CDC20B: variants seen among roughly 807,000 people sequenced by gnomAD.
CDC20B encodes the protein cell division cycle 20B, also known as cell division cycle protein 20 homolog B.
In CDC20B, 58 loss-of-function variants were observed where a neutral mutation model predicts 64.1. That is an observed-to-expected ratio of 0.90 (90% CI 0.73 to 1.13). The LOEUF (loss-of-function observed/expected upper bound fraction) is 1.13. Among genes scored for constraint, CDC20B ranks in the 50% most tolerant of loss-of-function variants. The pLI, the probability that CDC20B is intolerant of heterozygous loss-of-function variation, is 0.00. For synonymous variants in CDC20B, 243 were observed against 230.6 expected (o/e 1.05, Z -0.49); for missense variants, 597 against 633.0 (o/e 0.94, Z 0.61).
chr5:55,131,840 G>A (rs559257151), intron 6 of CDC20B, among the ~76,000 whole-genome samples: 8 of 152,160 alleles, frequency 5.3e-5, no homozygotes, highest in Non-Finnish European at 4.4e-5. Context: ...CAAGGCAGGC[G>A]GATCACTTGA....
intron 6 of CDC20B, among the ~76,000 whole-genome samples, chr5:55,131,335 A>T (rs1743023780): frequency 6.6e-6 from 1 of 152,220 alleles, no homozygotes; most frequent in African/African-American, 2.4e-5. Flanking sequence ...ACACAATACA[A>T]AGAGATATAG....
intron 2 of CDC20B, among the ~76,000 whole-genome samples, chr5:55,149,603 C>A (rs1244124102): frequency 1.3e-5 from 2 of 152,136 alleles, no homozygotes; most frequent in Non-Finnish European, 2.9e-5. Flanking sequence ...AGAAGCCAGA[C>A]AGGAAAGGTC....
At chr5:55,122,011 T>G (rs1356023961) in intron 9 of CDC20B, among the ~76,000 whole-genome samples, 2 of 152,214 alleles carry the variant, frequency 1.3e-5, no homozygotes, top group African/African-American at 4.8e-5. Context: ...CCACTCCTTC[T>G]GTAAAACATA....
At chr5:55,139,378 A>T (rs1406046374) in intron 5 of CDC20B, among the ~76,000 whole-genome samples, 1 of 152,226 alleles carries the variant, frequency 6.6e-6, no homozygotes, top group African/African-American at 2.4e-5. Context: ...CCAGAAGACA[A>T]CTGTGCAACT....
chr5:55,160,059 G>T (rs1743948613), intron 2 of CDC20B: 1 of 634,878 alleles, frequency 1.6e-6, no homozygotes, highest in Non-Finnish European at 2.8e-6. Context: ...CCTCTGAGAA[G>T]TGGTCTTTCT....
chr5:55,132,231 T>C (rs920172722), intron 6 of CDC20B, among the ~76,000 whole-genome samples: 5 of 152,170 alleles, frequency 3.3e-5, no homozygotes, highest in African/African-American at 1.2e-4. Context: ...GATAGAGAAC[T>C]GTTCCCTTCA....
intron 2 of CDC20B, chr5:55,170,797 A>G (rs892548833): frequency 1.3e-5 from 6 of 474,308 alleles, no homozygotes; most frequent in Middle Eastern, 1.0e-3. Context: ...AACATGAAAC[A>G]TAGTGGCAGA....
In CDC20B at chr5:55,127,342, C is replaced by G. The variant is rs1300495584; in HGVS notation, c.904G>C (p.Val302Leu). 6.2e-7 allele frequency: 1 copy of G among 1,613,680 alleles called. No individual in the cohort carries two copies. Among genetic ancestry groups the G allele is most frequent in the African/African-American group, 1.3e-5 (1 of 75,026 alleles). ...TSEGEVQLWDVVTKKRLRNML... is the reference protein window; with the variant it reads ...TSEGEVQLWDLVTKKRLRNML... Reference sequence around the variant, plus strand: ...TTTCTCAGCCGCTTTTTAGTTACCACATCCCATAACTGAAAAAATGAACAA... The same window carrying G: ...TTTCTCAGCCGCTTTTTAGTTACCAGATCCCATAACTGAAAAAATGAACAA... The change falls in exon 8 of 12, where the codon GTG (valine) becomes CTG (leucine). Residue 302 changes from valine (V) to leucine (L), a missense_variant. Val to Leu is a conservative substitution (Grantham distance 32, BLOSUM62 1). This residue lies in a region of CDC20B where 353 missense variants were observed against 397.0 expected (regional missense o/e 0.89). Coordinates refer to ENST00000381375, the MANE Select transcript of CDC20B (RefSeq NM_001170402.1).
At chr5:55,128,044 GA>G (rs1415752433) in intron 7 of CDC20B, among the ~76,000 whole-genome samples, 2 of 151,008 alleles carry the variant, frequency 1.3e-5, no homozygotes, top group Admixed American at 6.6e-5. Context: ...GAGCCTATCA[GA>G]AAAAAAAATT....
Position 55,113,973 on chromosome 5 carries a change from T to C in CDC20B, c.*245A>G. On this transcript the variant is annotated 3_prime_UTR_variant, in exon 12 of 12. Transcript: ENST00000381375. ...ATGAATCTCTAGAAAGGGGTAAGAA[T>C]GGGAGGAAGAAGAGGAGGGGGAGGA... 5.9e-6 allele frequency: 3 copies of C among 510,010 alleles called. No homozygotes were observed. In the South Asian group the frequency reaches 8.5e-5, roughly 14 times the overall value. 31.6% of individuals were successfully genotyped at this position (510,010 alleles called of 1,614,324 possible).
intron 4 of CDC20B, among the ~76,000 whole-genome samples, chr5:55,140,769 T>C (rs1397500275): frequency 1.3e-5 from 2 of 152,130 alleles, no homozygotes; most frequent in African/African-American, 2.4e-5. Context: ...CATCTTAAGG[T>C]CCTTTTTTGT....
At chr5:55,130,096 T>C (rs1380146485) in intron 6 of CDC20B, among the ~76,000 whole-genome samples, 1 of 152,214 alleles carries the variant, frequency 6.6e-6, no homozygotes, top group Non-Finnish European at 1.5e-5. Flanking sequence ...TATGAAACTT[T>C]ATATGAAGCT....
At chr5:55,138,295 G>T (rs955034927) in intron 5 of CDC20B, among the ~76,000 whole-genome samples, 1 of 152,032 alleles carries the variant, frequency 6.6e-6, no homozygotes, top group Non-Finnish European at 1.5e-5. Context: ...CAAGTAGCTG[G>T]GATTACAGGC....
intron 5 of CDC20B, chr5:55,135,947 A>T (rs916005937): frequency 2.0e-5 from 3 of 151,688 alleles, no homozygotes; most frequent in Admixed American, 1.3e-4. Context: ...TTCCAAAAAA[A>T]ATATTTTTTT....
chr5:55,144,898 C>A (rs1381304046), intron 3 of CDC20B, among the ~76,000 whole-genome samples: 1 of 152,118 alleles, frequency 6.6e-6, no homozygotes, highest in African/African-American at 2.4e-5. Context: ...ATCTGCTCTT[C>A]TAAAACAAAA....
chr5:55,146,797 C>G lies in CDC20B; in HGVS notation c.186G>C (p.Leu62=). The G allele has an allele frequency of 6.2e-7, 1 of 1,614,160 alleles. No individual in the cohort carries two copies. The highest frequency in any genetic ancestry group is 2.2e-5 in the East Asian group (1 of 44,884). The change falls in exon 3 of 12, where the codon CTG becomes CTC. Residue 62 remains leucine, a synonymous_variant. Coordinates refer to ENST00000381375, the MANE Select transcript of CDC20B (RefSeq NM_001170402.1). Reference sequence around the variant, plus strand: ...TACTCGCAACAGGAACCTCTGCGGACAGCCTCTTCGCAAAGTTGCTCTTAA... The same window carrying G: ...TACTCGCAACAGGAACCTCTGCGGAGAGCCTCTTCGCAAAGTTGCTCTTAA... The part of the protein sequence containing the change: ...SDFKSNFAKR[L]SAEVPVASSP...
chr5:55,139,680 C>T (rs1743277790), intron 5 of CDC20B, among the ~76,000 whole-genome samples: 1 of 152,044 alleles, frequency 6.6e-6, no homozygotes, highest in African/African-American at 2.4e-5. Flanking sequence ...ACTAATTTTA[C>T]TTTTTTAAAG....
intron 5 of CDC20B, among the ~76,000 whole-genome samples, chr5:55,133,812 CAG>C (rs1474234861): frequency 6.6e-6 from 1 of 152,108 alleles, no homozygotes; most frequent in African/African-American, 2.4e-5. Context: ...GAGGAGTACA[CAG>C]AGATACTACA....
intron 9 of CDC20B, among the ~76,000 whole-genome samples, chr5:55,122,468 G>A (rs756055799): frequency 6.6e-6 from 1 of 151,912 alleles, no homozygotes; most frequent in Non-Finnish European, 1.5e-5. Flanking sequence ...GCGGCAGATT[G>A]TATTTTCCAA....
Sources: allele counts gnomAD v4.1 joint callset (sites outside exome capture counted in the v4.1 genomes callset), GRCh38; gene constraint gnomAD v4.1.1; regional missense constraint gnomAD v4.1.1; transcripts MANE v1.5; gene names NCBI Gene and HGNC (gene_info 2026-07-23, HGNC 2026-07-21).